The following NLGN1 variants were observed in gnomAD, a reference collection of about 807,000 sequenced individuals.
NLGN1 encodes neuroligin-1.
A neutral mutation model predicts 65.5 loss-of-function variants in NLGN1; 12 were observed. The observed-to-expected ratio is 0.18, with a 90% CI of 0.12 to 0.30. NLGN1 has a LOEUF of 0.30. NLGN1 is among the 10% of genes least tolerant of loss of function. NLGN1 has a pLI of 1.00. For synonymous variants in NLGN1, 350 were observed against 359.5 expected (o/e 0.97, Z 0.30); for missense variants, 750 against 1,007.1 (o/e 0.74, Z 3.46).
chr3:173,489,370 T>C (rs1204203857), intron 2 of NLGN1, among the ~76,000 whole-genome samples: 4 of 152,152 alleles, frequency 2.6e-5, no homozygotes, highest in Non-Finnish European at 5.9e-5. Context: ...TTGCTGAGAA[T>C]GATGGTTTCC....
chr3:173,901,951 C>T (rs1427115959), intron 4 of NLGN1, among the ~76,000 whole-genome samples: 4 of 151,996 alleles, frequency 2.6e-5, no homozygotes, highest in Admixed American at 2.6e-4. Flanking sequence ...TATATTTAAG[C>T]CATTTTAATG....
chr3:173,735,400 G>A (rs2150078486), intron 3 of NLGN1, among the ~76,000 whole-genome samples: 1 of 152,200 alleles, frequency 6.6e-6, no homozygotes, highest in African/African-American at 2.4e-5. Context: ...GAAGAGAAGA[G>A]CAATGTAAAA....
exon 7 of NLGN1, chr3:174,282,647 G>T (rs1420671330): frequency 6.6e-6 from 1 of 152,062 alleles, no homozygotes; most frequent in Non-Finnish European, 1.5e-5. Context: ...TCCCCCTGTT[G>T]TTTACCAGTA....
At position 173,517,578 on chromosome 3, in the gene NLGN1, C is replaced by G. The variant is rs969505018; in HGVS notation, c.-321+82500C>G. Among the ~76,000 whole-genome samples the G allele has an allele frequency of 2.6e-5, 4 of 151,916 alleles. No homozygotes were observed. In the South Asian group the frequency reaches 8.3e-4, roughly 32 times the overall value. ...TATAGAGTATTGTGTCCTCTGTCACCCAGTCATGCTTTTCCCCATCCTGGG... is the reference window on the plus strand; with the variant it reads ...TATAGAGTATTGTGTCCTCTGTCACGCAGTCATGCTTTTCCCCATCCTGGG... On this transcript the variant is annotated intron_variant, in intron 2 of 6. Coordinates refer to ENST00000457714, the Ensembl canonical transcript of NLGN1.
intron 3 of NLGN1, among the ~76,000 whole-genome samples, chr3:173,769,317 A>G (rs774532915): frequency 6.6e-6 from 1 of 152,188 alleles, no homozygotes; most frequent in Non-Finnish European, 1.5e-5. Flanking sequence ...AGGACAGTCC[A>G]TCCCTCATCT....
chr3:173,552,694 C>T (rs1251231393), intron 2 of NLGN1, among the ~76,000 whole-genome samples: 1 of 152,140 alleles, frequency 6.6e-6, no homozygotes, highest in Non-Finnish European at 1.5e-5. Flanking sequence ...GAGCCAGGCT[C>T]CTCCTGCCTG....
chr3:173,843,158 A>G (rs1484321997), intron 4 of NLGN1, among the ~76,000 whole-genome samples: 3 of 152,166 alleles, frequency 2.0e-5, no homozygotes, highest in African/African-American at 7.2e-5. Flanking sequence ...TTTCAGACAC[A>G]GCTTGAGTGG....
chr3:173,515,539 T>C (rs369966761), intron 2 of NLGN1, among the ~76,000 whole-genome samples: 4 of 152,144 alleles, frequency 2.6e-5, no homozygotes, highest in Non-Finnish European at 4.4e-5. Flanking sequence ...GCTTTTGGTG[T>C]CAACATTCAT....
intron 4 of NLGN1, among the ~76,000 whole-genome samples, chr3:174,048,018 A>C (rs774783661): frequency 6.6e-6 from 1 of 152,080 alleles, no homozygotes; most frequent in Non-Finnish European, 1.5e-5. Context: ...AGATCTGATT[A>C]GGTTTGTCAT....
At chr3:173,522,041 G>A (rs77930163) in intron 2 of NLGN1, among the ~76,000 whole-genome samples, 12,387 of 152,206 alleles carry the variant, frequency 0.081, 578 homozygotes, top group Middle Eastern at 0.22. Flanking sequence ...TAGCCTAACT[G>A]TCACAGAAAG....
At chr3:174,252,644 G>C (rs1164885617) in intron 4 of NLGN1, among the ~76,000 whole-genome samples, 18 of 152,016 alleles carry the variant, frequency 1.2e-4, no homozygotes, top group Admixed American at 1.2e-3. Flanking sequence ...GTTACTGAAG[G>C]CTCTTCCAGC....
chr3:173,812,652 G>A (rs1350229492), intron 4 of NLGN1, among the ~76,000 whole-genome samples: 2 of 151,368 alleles, frequency 1.3e-5, no homozygotes, highest in East Asian at 3.9e-4. Context: ...GATCAGTTGC[G>A]TCTGTGATCC....
At chr3:173,792,790 G>C (rs867669424) in intron 3 of NLGN1, among the ~76,000 whole-genome samples, 1 of 152,156 alleles carries the variant, frequency 6.6e-6, no homozygotes, top group Non-Finnish European at 1.5e-5. Flanking sequence ...AACAATGAAA[G>C]TCATGTTTAA....
intron 1 of NLGN1, among the ~76,000 whole-genome samples, chr3:173,416,940 T>C (rs1713920643): frequency 1.3e-5 from 2 of 152,280 alleles, no homozygotes; most frequent in Admixed American, 6.5e-5. Flanking sequence ...TATGATACCA[T>C]GATCAAACTG....
chr3:173,955,910 G>A (rs1482064221), intron 4 of NLGN1, among the ~76,000 whole-genome samples: 1 of 151,960 alleles, frequency 6.6e-6, no homozygotes, highest in Admixed American at 6.6e-5. Flanking sequence ...GGTACAATTA[G>A]AGGTCATTCC....
chr3:173,669,707 T>G (rs1401361120), intron 3 of NLGN1, among the ~76,000 whole-genome samples: 1 of 152,224 alleles, frequency 6.6e-6, no homozygotes, highest in Admixed American at 6.5e-5. Context: ...ATATTGTTTT[T>G]TCTAACTTCA....
intron 3 of NLGN1, among the ~76,000 whole-genome samples, chr3:173,700,497 T>C (rs1489122108): frequency 1.3e-5 from 2 of 152,078 alleles, no homozygotes; most frequent in Non-Finnish European, 2.9e-5. Context: ...AGCTGAACAG[T>C]AGTGGTTTAT....
intron 3 of NLGN1, among the ~76,000 whole-genome samples, chr3:173,682,739 A>G (rs918726630): frequency 6.6e-6 from 1 of 152,266 alleles, no homozygotes. Flanking sequence ...CTTGAGCAGT[A>G]GGATATAAAT....
intron 3 of NLGN1, among the ~76,000 whole-genome samples, chr3:173,670,958 G>T (rs1762369433): frequency 6.6e-6 from 1 of 152,064 alleles, no homozygotes; most frequent in Admixed American, 6.6e-5. Flanking sequence ...AAGTGCATAG[G>T]TAACAACTTT....
Sources: allele counts gnomAD v4.1 joint callset (sites outside exome capture counted in the v4.1 genomes callset), GRCh38; gene constraint gnomAD v4.1.1; transcripts MANE v1.5; gene names NCBI Gene and HGNC (gene_info 2026-07-23, HGNC 2026-07-21).